The following NXPE2 variants were observed in gnomAD, a reference collection of about 807,000 sequenced individuals.
The protein encoded by NXPE2 is neurexophilin and PC-esterase domain family member 2.
Under a neutral mutation model 34.4 loss-of-function variants are expected in NXPE2, and 34 were observed. That is an observed-to-expected ratio of 0.99 (90% CI 0.75 to 1.31). The LOEUF is 1.31. Ranked by LOEUF, NXPE2 falls within the 40% of genes most tolerant of loss-of-function variation. NXPE2 has a pLI of 0.00. For synonymous variants in NXPE2, 235 were observed against 231.3 expected (o/e 1.02, Z -0.15); for missense variants, 649 against 672.5 (o/e 0.97, Z 0.39).
At chr11:114,631,364 T>A in the NXPE2 span, among the ~76,000 whole-genome samples, 1 of 151,818 alleles carries the variant, frequency 6.6e-6, no homozygotes, top group South Asian at 2.1e-4. Context: ...TGAGTTCATG[T>A]CCTTTGTAGG....
the NXPE2 span, among the ~76,000 whole-genome samples, chr11:114,473,858 G>T: frequency 6.6e-6 from 1 of 152,128 alleles, no homozygotes; most frequent in Non-Finnish European, 1.5e-5. Context: ...ACTTTTTCAT[G>T]GCTCGGTTTC....
At chr11:114,479,652 G>T in the NXPE2 span, among the ~76,000 whole-genome samples, 1 of 152,058 alleles carries the variant, frequency 6.6e-6, no homozygotes, top group African/African-American at 2.4e-5. Context: ...ATGTTTAGTA[G>T]GCAGTTAGAT....
the NXPE2 span, among the ~76,000 whole-genome samples, chr11:114,570,038 A>G: frequency 2.6e-5 from 4 of 152,274 alleles, no homozygotes; most frequent in Admixed American, 2.0e-4. Flanking sequence ...CTCAAGATGT[A>G]AGAAATGTTG....
At chr11:114,691,383 G>A (rs548837162) in intron 2 of NXPE2, among the ~76,000 whole-genome samples, 18 of 152,024 alleles carry the variant, frequency 1.2e-4, no homozygotes, top group East Asian at 3.9e-4. Flanking sequence ...GATAGGTTGC[G>A]GTGGCTTTCT....
chr11:114,500,122 T>G, the NXPE2 span, among the ~76,000 whole-genome samples: 5 of 152,166 alleles, frequency 3.3e-5, no homozygotes, highest in Non-Finnish European at 7.4e-5. Flanking sequence ...TTTTATTTTT[T>G]GGGGGTGCAT....
At chr11:114,494,404 G>A in the NXPE2 span, among the ~76,000 whole-genome samples, 3 of 149,400 alleles carry the variant, frequency 2.0e-5, no homozygotes, top group Non-Finnish European at 4.5e-5. Flanking sequence ...TTTTTCTTTT[G>A]TCTCCCTGGC....
chr11:114,515,908 G>A, the NXPE2 span, among the ~76,000 whole-genome samples: 1 of 152,164 alleles, frequency 6.6e-6, no homozygotes, highest in Non-Finnish European at 1.5e-5. Flanking sequence ...ATTTAGAGGG[G>A]ACCTAATGGA....
chr11:114,617,924 A>T, the NXPE2 span, among the ~76,000 whole-genome samples: 1 of 151,982 alleles, frequency 6.6e-6, no homozygotes, highest in Non-Finnish European at 1.5e-5. Context: ...AACCACTGTA[A>T]TCTGCTGCAT....
chr11:114,466,074 G>A, the NXPE2 span, among the ~76,000 whole-genome samples: 2,659 of 151,930 alleles, frequency 0.018, 73 homozygotes, highest in African/African-American at 0.061. Flanking sequence ...TTGTTCAATC[G>A]ATCTCTCTCT....
chr11:114,636,712 C>A, the NXPE2 span, among the ~76,000 whole-genome samples: 1 of 151,968 alleles, frequency 6.6e-6, no homozygotes, highest in South Asian at 2.1e-4. Context: ...GCCTTCATTT[C>A]GTTATGTACC....
the NXPE2 span, among the ~76,000 whole-genome samples, chr11:114,572,743 G>C: frequency 6.6e-6 from 1 of 152,070 alleles, no homozygotes; most frequent in African/African-American, 2.4e-5. Context: ...AGAATAATTG[G>C]TATTCCCAAG....
the NXPE2 span, among the ~76,000 whole-genome samples, chr11:114,576,072 A>G: frequency 6.6e-6 from 1 of 152,206 alleles, no homozygotes; most frequent in Admixed American, 6.5e-5. Flanking sequence ...CTGATCTTTG[A>G]CAAAGCAAAC....
At chr11:114,571,124 A>C in the NXPE2 span, 1 of 1,613,982 alleles carries the variant, frequency 6.2e-7, no homozygotes, top group Non-Finnish European at 8.5e-7. Context: ...ATCTTTCTGC[A>C]TCATTGTACA....
At chr11:114,725,993 A>AT in the NXPE2 span, among the ~76,000 whole-genome samples, 5,294 of 123,296 alleles carry the variant, frequency 0.043, 518 homozygotes, top group Non-Finnish European at 0.057. Context: ...ATATATATAT[A>AT]AAAAGAAAAA....
At chr11:114,538,151 CA>C in the NXPE2 span, among the ~76,000 whole-genome samples, 1 of 152,104 alleles carries the variant, frequency 6.6e-6, no homozygotes, top group African/African-American at 2.4e-5. Context: ...TGATCTTTGA[CA>C]AACCTGACAA....
chr11:114,524,105 T>C, the NXPE2 span, among the ~76,000 whole-genome samples: 1 of 152,212 alleles, frequency 6.6e-6, no homozygotes, highest in African/African-American at 2.4e-5. Flanking sequence ...CTTGCTGTTC[T>C]CACATTATAT....
intron 3 of NXPE2, among the ~76,000 whole-genome samples, chr11:114,700,324 A>G (rs1433263598): frequency 6.6e-6 from 1 of 152,224 alleles, no homozygotes; most frequent in East Asian, 1.9e-4. Context: ...AACAGTTTCA[A>G]ACGTGATGGT....
chr11:114,721,478 C>T, the NXPE2 span, among the ~76,000 whole-genome samples: 1 of 152,066 alleles, frequency 6.6e-6, no homozygotes, highest in African/African-American at 2.4e-5. Flanking sequence ...TCTGGATCCT[C>T]TCTGTTAGAG....
the NXPE2 span, among the ~76,000 whole-genome samples, chr11:114,524,342 C>T: frequency 6.6e-6 from 1 of 152,128 alleles, no homozygotes; most frequent in Non-Finnish European, 1.5e-5. Flanking sequence ...TCTGCTTTAC[C>T]CTCCTTGCTT....
Sources: allele counts gnomAD v4.1 joint callset (sites outside exome capture counted in the v4.1 genomes callset), GRCh38; gene constraint gnomAD v4.1.1; transcripts MANE v1.5; gene names NCBI Gene and HGNC (gene_info 2026-07-23, HGNC 2026-07-21).